Variants in NRG1 observed in about 807,000 individuals in gnomAD.
NRG1 encodes pro-neuregulin-1, membrane-bound isoform.
NRG1 carries 18 observed loss-of-function variants against 63.8 expected under a neutral mutation model. The observed-to-expected ratio is 0.28, with a 90% CI of 0.19 to 0.42. NRG1 has a LOEUF of 0.42. Ranked by LOEUF, NRG1 falls within the 10% of genes least tolerant of loss-of-function variation. NRG1 has a pLI of 1.00. For missense variants in NRG1, 762 were observed against 814.7 expected, an observed-to-expected ratio of 0.94 and a Z score of 0.79; for synonymous variants, 302 against 301.3, an observed-to-expected ratio of 1.00 and a Z score of -0.02.
At chr8:32,654,872 G>T (rs1448975070) in intron 5 of NRG1, among the ~76,000 whole-genome samples, 1 of 152,100 alleles carries the variant, frequency 6.6e-6, no homozygotes, top group Non-Finnish European at 1.5e-5. Context: ...TACTTCTGAA[G>T]TCTCTTACAA....
At chr8:32,116,860 A>C (rs1832779243) in intron 1 of NRG1, among the ~76,000 whole-genome samples, 1 of 151,118 alleles carries the variant, frequency 6.6e-6, no homozygotes, top group African/African-American at 2.4e-5. Context: ...GATGAATTCC[A>C]GGCCAGGTGC....
chr8:32,458,343 A>T (rs1178480152), intron 1 of NRG1, among the ~76,000 whole-genome samples: 1 of 152,206 alleles, frequency 6.6e-6, no homozygotes, highest in African/African-American at 2.4e-5. Context: ...AAATAAATGA[A>T]AATATTTTAA....
intron 2 of NRG1, 33 bp from the exon 3 acceptor site, chr8:32,605,529 T>C (rs746421705): frequency 4.3e-6 from 7 of 1,611,054 alleles, no homozygotes; most frequent in Admixed American, 1.7e-5. Context: ...TTCTGTGATA[T>C]ATACTGACAC....
At chr8:32,278,400 C>T (rs979156057) in intron 1 of NRG1, among the ~76,000 whole-genome samples, 6 of 152,034 alleles carry the variant, frequency 3.9e-5, no homozygotes, top group African/African-American at 1.4e-4. Context: ...ATTTAAAACC[C>T]AACTCAGGCC....
chr8:32,589,377 T>C (rs1842148939), intron 1 of NRG1, among the ~76,000 whole-genome samples: 1 of 152,238 alleles, frequency 6.6e-6, no homozygotes, highest in Admixed American at 6.5e-5. Flanking sequence ...GACTGATTAA[T>C]GGTATTCGTG....
intron 1 of NRG1, among the ~76,000 whole-genome samples, chr8:32,155,350 T>C (rs1837940136): frequency 6.6e-6 from 1 of 152,208 alleles, no homozygotes; most frequent in Admixed American, 6.5e-5. Flanking sequence ...CTTCCTTCAA[T>C]TTTCTGCTGA....
chr8:31,814,928 G>A (rs942879714), intron 1 of NRG1, among the ~76,000 whole-genome samples: 3 of 151,924 alleles, frequency 2.0e-5, no homozygotes, highest in Non-Finnish European at 4.4e-5. Flanking sequence ...AAATAAAAAT[G>A]GTAATTTTTC....
At chr8:31,792,884 C>T (rs1820851202) in intron 1 of NRG1, among the ~76,000 whole-genome samples, 1 of 152,176 alleles carries the variant, frequency 6.6e-6, no homozygotes, top group South Asian at 2.1e-4. Context: ...GCAAATGTGA[C>T]AAGTCAAAAA....
Position 31,640,085 on chromosome 8 carries a change from C to T in NRG1, c.37+654C>T, listed in dbSNP as rs1803589064. On this transcript the variant is annotated intron_variant, in intron 1 of 10. Transcript: ENST00000519301. This position sits in a 1 kb window ranked among gnomAD's most constrained non-coding sequence, Gnocchi z 6.3. ...TCGTCGCCGCCGCTGCCGCTGCTGCCACTACTGCTGCTGCTGGGGACCGCG... is the reference window on the plus strand; with the variant it reads ...TCGTCGCCGCCGCTGCCGCTGCTGCTACTACTGCTGCTGCTGGGGACCGCG... 2.6e-6 allele frequency: 3 copies of T among 1,139,640 alleles called. No homozygotes were observed. The highest frequency in any genetic ancestry group is 2.1e-6 in the Non-Finnish European group (2 of 930,370). The allele number at this position is 1,139,640 out of a possible 1,614,324, so 70.6% of individuals were successfully genotyped here.
At chr8:32,600,304 A>T (rs1844101453) in intron 2 of NRG1, among the ~76,000 whole-genome samples, 1 of 147,744 alleles carries the variant, frequency 6.8e-6, no homozygotes, top group South Asian at 2.2e-4. Flanking sequence ...GATCAGTTTT[A>T]CACTATCTGA....
At chr8:32,444,998 G>A (rs1034343726) in intron 1 of NRG1, among the ~76,000 whole-genome samples, 2 of 152,172 alleles carry the variant, frequency 1.3e-5, no homozygotes, top group African/African-American at 4.8e-5. Context: ...CAGAGAATTT[G>A]GGGAGGAAAG....
intron 1 of NRG1, among the ~76,000 whole-genome samples, chr8:32,213,683 T>C (rs971233788): frequency 2.0e-5 from 3 of 152,168 alleles, no homozygotes; most frequent in African/African-American, 4.8e-5. Context: ...ATGATACTCT[T>C]GATTTTTAAG....
chr8:32,659,221 CG>C (rs1193310109), intron 5 of NRG1, among the ~76,000 whole-genome samples: 11 of 151,350 alleles, frequency 7.3e-5, no homozygotes, highest in African/African-American at 2.4e-4. Context: ...CTTGGCTCAC[CG>C]CAACCTCCAC....
At chr8:31,893,759 A>T (rs555546004) in intron 1 of NRG1, among the ~76,000 whole-genome samples, 64 of 152,094 alleles carry the variant, frequency 4.2e-4, no homozygotes, top group African/African-American at 1.3e-3. Context: ...TTTATTTAAC[A>T]TGTGACTTAT....
chr8:31,657,996 G>A (rs1805598101), intron 1 of NRG1, among the ~76,000 whole-genome samples: 1 of 152,194 alleles, frequency 6.6e-6, no homozygotes, highest in African/African-American at 2.4e-5. Flanking sequence ...AGACTTTCCT[G>A]TTTATCATCA....
At chr8:31,809,196 C>T (rs1367703809) in intron 1 of NRG1, among the ~76,000 whole-genome samples, 5 of 151,368 alleles carry the variant, frequency 3.3e-5, no homozygotes, top group African/African-American at 4.8e-5. Flanking sequence ...GGAATTTGCT[C>T]ATTATTCTTG....
chr8:32,544,319 C>A (rs1364619425), upstream of NRG1, among the ~76,000 whole-genome samples: 3 of 151,918 alleles, frequency 2.0e-5, no homozygotes, highest in Non-Finnish European at 4.4e-5. Flanking sequence ...AAAAGATCCC[C>A]CAAATTTTAT....
At chr8:32,727,180 A>G (rs1228053720) in intron 5 of NRG1, among the ~76,000 whole-genome samples, 3 of 152,202 alleles carry the variant, frequency 2.0e-5, no homozygotes, top group Non-Finnish European at 4.4e-5. Context: ...ACAAGTGAAT[A>G]TTAAGTTCAT....
At chr8:31,689,253 C>A (rs1438962236) in intron 1 of NRG1, among the ~76,000 whole-genome samples, 3 of 152,100 alleles carry the variant, frequency 2.0e-5, no homozygotes, top group Non-Finnish European at 1.5e-5. Context: ...TTGGATGTGA[C>A]CATGTTTGGT....
Sources: allele counts gnomAD v4.1 joint callset (sites outside exome capture counted in the v4.1 genomes callset), GRCh38; gene constraint gnomAD v4.1.1; non-coding constraint Gnocchi (gnomAD v3.1); transcripts MANE v1.5; gene names NCBI Gene and HGNC (gene_info 2026-07-23, HGNC 2026-07-21).